Variants in CUX1 observed in about 807,000 individuals in gnomAD.
The protein encoded by CUX1 is cut like homeobox 1, also known as protein CASP.
CUX1 carries 31 observed loss-of-function variants against 158.8 expected under a neutral mutation model. The observed-to-expected ratio is 0.20, with a 90% CI of 0.15 to 0.26. CUX1 has a LOEUF of 0.26. Among genes scored for constraint, CUX1 ranks in the 10% least tolerant of loss-of-function variants. The pLI, the probability that CUX1 is intolerant of heterozygous loss-of-function variation, is 1.00. For missense variants in CUX1, 1,589 were observed against 2,014.6 expected (o/e 0.79, Z 4.04); for synonymous variants, 879 against 862.1 (o/e 1.02, Z -0.34).
intron 21 of CUX1, among the ~76,000 whole-genome samples, chr7:102,230,226 A>G (rs1798810501): frequency 6.6e-6 from 1 of 152,070 alleles, no homozygotes; most frequent in South Asian, 2.1e-4. Context: ...CTGTAACCCT[A>G]GCACTTTGGG....
At chr7:102,053,875 G>A (rs113901421) in intron 3 of CUX1, among the ~76,000 whole-genome samples, 5 of 144,946 alleles carry the variant, frequency 3.4e-5, no homozygotes, top group South Asian at 2.2e-4. Context: ...TCACGATCTC[G>A]GCTCACTGCA....
chr7:102,180,437 C>G (rs1206704525), intron 11 of CUX1, among the ~76,000 whole-genome samples: 2 of 151,522 alleles, frequency 1.3e-5, no homozygotes, highest in African/African-American at 4.9e-5. Context: ...CTTGCCTCAG[C>G]CTCCCAAGTA....
At chr7:102,262,853 G>T (rs1188541509), downstream of CUX1, among the ~76,000 whole-genome samples, 1 of 152,134 alleles carries the variant, frequency 6.6e-6, no homozygotes, top group Non-Finnish European at 1.5e-5. Context: ...ACCGTGGGCC[G>T]CTGCCTTACA....
intron 11 of CUX1, among the ~76,000 whole-genome samples, chr7:102,181,532 T>C (rs542168552): frequency 3.1e-4 from 47 of 152,326 alleles, no homozygotes; most frequent in African/African-American, 1.1e-3. Context: ...CACAAAAAAA[T>C]GAAACGCGGT....
intron 2 of CUX1, among the ~76,000 whole-genome samples, chr7:101,997,720 C>T (rs773558437): frequency 3.3e-5 from 5 of 152,136 alleles, no homozygotes; most frequent in Non-Finnish European, 5.9e-5. Context: ...CGATGTTGTG[C>T]CCATTGTACA....
At chr7:102,141,863 ACTC>A (rs1413159574) in intron 8 of CUX1, among the ~76,000 whole-genome samples, 1 of 140,496 alleles carries the variant, frequency 7.1e-6, no homozygotes, top group East Asian at 2.1e-4. Context: ...CTGGTCTTGA[ACTC>A]CTGACCTCAA....
At chr7:102,136,079 A>G (rs1833867611) in intron 8 of CUX1, among the ~76,000 whole-genome samples, 1 of 152,100 alleles carries the variant, frequency 6.6e-6, no homozygotes, top group South Asian at 2.1e-4. Context: ...ATAAAATAAT[A>G]TTTGTTTCTG....
intron 1 of CUX1, among the ~76,000 whole-genome samples, chr7:101,850,421 C>CTTTTTT (rs545679696): frequency 5.7e-5 from 6 of 104,626 alleles, no homozygotes; most frequent in Admixed American, 1.0e-4. Context: ...TTCTTTCTTT[C>CTTTTTT]TTTTTTTTTT....
At chr7:102,206,941 C>G (rs1307484893) in intron 20 of CUX1, among the ~76,000 whole-genome samples, 2 of 152,110 alleles carry the variant, frequency 1.3e-5, no homozygotes, top group Non-Finnish European at 2.9e-5. Flanking sequence ...CAGGAAGTCT[C>G]CCCTGGTGCC....
chr7:101,990,728 A>G (rs1018750774), intron 2 of CUX1, among the ~76,000 whole-genome samples: 9 of 152,010 alleles, frequency 5.9e-5, no homozygotes, highest in African/African-American at 2.2e-4. Flanking sequence ...TGGGGAAAAC[A>G]CTCTTGAGAC....
intron 2 of CUX1, among the ~76,000 whole-genome samples, chr7:101,917,014 G>A (rs575778026): frequency 3.3e-5 from 5 of 152,168 alleles, no homozygotes; most frequent in African/African-American, 9.6e-5. Flanking sequence ...CTCATCCCGC[G>A]GGCTCGGACC....
chr7:102,121,161 TTTTTA>T (rs1831988534), intron 8 of CUX1, among the ~76,000 whole-genome samples: 1 of 152,136 alleles, frequency 6.6e-6, no homozygotes, highest in Non-Finnish European at 1.5e-5. Context: ...GGATACTTTC[TTTTTA>T]TTTTATTTTT....
At position 102,104,413 on chromosome 7, in the gene CUX1, C is replaced by T. The variant is rs199800281; in HGVS notation, c.484C>T (p.Leu162Phe). ...TLKNQAETIA[L>F]EKEQKLQNDF... ...GAAGAACCAAGCCGAAACCATAGCT[C>T]TTGAGAAGGAACAGAAGTTACAGAA... is the stretch of plus-strand genomic sequence containing the variant. Residue 162 changes from leucine (L) to phenylalanine (F), a missense_variant, in exon 6 of 24, where the codon CTT (leucine) becomes TTT (phenylalanine). Physicochemically the swap from Leu to Phe is conservative, Grantham distance 22. This residue lies in a region of CUX1 where 515 missense variants were observed against 574.4 expected (regional missense o/e 0.90). Coordinates refer to ENST00000292535, the MANE Select transcript of CUX1 (RefSeq NM_181552.4). 5.2e-4 allele frequency: 831 copies of T among 1,612,732 alleles called. 1 individual carries two copies. Among genetic ancestry groups the T allele is most frequent in the Non-Finnish European group, 6.8e-4 (799 of 1,179,724 alleles).
At chr7:101,926,623 A>C (rs907167455) in intron 2 of CUX1, among the ~76,000 whole-genome samples, 3 of 152,170 alleles carry the variant, frequency 2.0e-5, no homozygotes, top group African/African-American at 7.2e-5. Context: ...TGCAAAAAAC[A>C]TACCCTGCCT....
In CUX1 at chr7:102,249,147, C is replaced by T. The variant is rs1801194038; in HGVS notation, c.*105C>T. Reference sequence around the variant, plus strand: ...ACCGTGGCCTGGGCTTGGCCCGCGGCCTGCACCGACCCCGGGCCGGACCTG... The same window carrying T: ...ACCGTGGCCTGGGCTTGGCCCGCGGTCTGCACCGACCCCGGGCCGGACCTG... On this transcript the variant is annotated 3_prime_UTR_variant, in exon 24 of 24. Coordinates refer to ENST00000292535, the MANE Select transcript of CUX1 (RefSeq NM_181552.4). The T allele has an allele frequency of 1.7e-6, 2 of 1,156,428 alleles. No individual in the cohort carries two copies. Among genetic ancestry groups the T allele is most frequent in the South Asian group, 8.5e-5 (2 of 23,420 alleles). 71.6% of individuals were successfully genotyped at this position (1,156,428 alleles called of 1,614,324 possible).
intron 1 of CUX1, among the ~76,000 whole-genome samples, chr7:101,903,748 G>A (rs1411122836): frequency 2.6e-5 from 4 of 152,078 alleles, no homozygotes; most frequent in Admixed American, 6.6e-5. Flanking sequence ...TGAGCGTCTA[G>A]CAAGTATTCT....
intron 8 of CUX1, among the ~76,000 whole-genome samples, chr7:102,137,170 C>T (rs1833994393): frequency 6.6e-6 from 1 of 152,184 alleles, no homozygotes; most frequent in South Asian, 2.1e-4. Context: ...TGGTTTAAGC[C>T]TGTGTCCCTT....
intron 21 of CUX1, among the ~76,000 whole-genome samples, chr7:102,229,500 C>T (rs1275327766): frequency 1.3e-5 from 2 of 151,230 alleles, no homozygotes; most frequent in Non-Finnish European, 1.5e-5. Context: ...TTAGTAGAGA[C>T]AGGGTTTCAC....
At position 102,197,109 on chromosome 7, in the gene CUX1, G is replaced by A. The variant is rs577563954; in HGVS notation, c.1698G>A (p.Lys566=). The change falls in exon 15 of 24, where the codon AAG becomes AAA. Residue 566 remains lysine, a synonymous_variant. Coordinates refer to ENST00000292535, the MANE Select transcript of CUX1 (RefSeq NM_181552.4). ...IARQVKEQLI[K]HNIGQRIFGH... ...GGCAGGTCAAAGAGCAGCTGATTAAGCACAATATCGGACAACGTATTTTCG... is the reference window on the plus strand; with the variant it reads ...GGCAGGTCAAAGAGCAGCTGATTAAACACAATATCGGACAACGTATTTTCG... The A allele has an allele frequency of 1.2e-4, 197 of 1,614,218 alleles. 1 individual carries two copies. The South Asian group carries it at 2.0e-3, about 17-fold the overall frequency.
Sources: allele counts gnomAD v4.1 joint callset (sites outside exome capture counted in the v4.1 genomes callset), GRCh38; gene constraint gnomAD v4.1.1; regional missense constraint gnomAD v4.1.1; transcripts MANE v1.5; gene names NCBI Gene and HGNC (gene_info 2026-07-23, HGNC 2026-07-21).